Variants in OR2F2 observed in about 807,000 individuals in gnomAD.
OR2F2 encodes the protein olfactory receptor 2F2.
For synonymous variants in OR2F2, 161 were observed against 159.0 expected, an observed-to-expected ratio of 1.01 and a Z score of -0.09; for missense variants, 375 against 380.2, an observed-to-expected ratio of 0.99 and a Z score of 0.11.
chr7:143,935,631 G>C lies in OR2F2; in HGVS notation c.399G>C (p.Ser133=). The change falls in exon 1 of 1, where the codon TCG becomes TCC. Residue 133 remains serine, a synonymous_variant. Transcript: ENST00000408955. ...CTGTGTCTGACCGCCTGCGATACTC[G>C]GCCATCATGCATGGAGGGCTGTGTG... ...HVAVSDRLRY[S]AIMHGGLCAR... is the part of the protein sequence containing the mutation. 1 of 1,614,118 alleles carries C rather than the reference G, an allele frequency of 6.2e-7. No individual in the cohort carries two copies. The highest frequency in any genetic ancestry group is 1.7e-5 in the Admixed American group (1 of 60,028).
At position 143,935,405 on chromosome 7, in the gene OR2F2, C is replaced by T. The variant is rs751625220; in HGVS notation, c.173C>T (p.Pro58Leu). 6.2e-6 allele frequency: 10 copies of T among 1,614,164 alleles called. 1 individual carries two copies. In the South Asian group the frequency reaches 1.1e-4, roughly 18 times the overall value. The change falls in exon 1 of 1, where the codon CCC (proline) becomes CTC (leucine). Residue 58 changes from proline to leucine, a missense_variant. Pro to Leu is a moderately conservative substitution (Grantham distance 98). Coordinates refer to ENST00000408955, the MANE Select transcript of OR2F2 (RefSeq NM_001004685.1). Reference sequence around the variant, plus strand: ...AGACTGGACAGCCGACTCCACACTCCCATGTATTTCTTTCTCACCAACCTC... The same window carrying T: ...AGACTGGACAGCCGACTCCACACTCTCATGTATTTCTTTCTCACCAACCTC... ...LIRLDSRLHTPMYFFLTNLSL... is the reference protein window; with the variant it reads ...LIRLDSRLHTLMYFFLTNLSL...
Position 143,935,541 on chromosome 7 carries a change from C to T in OR2F2, c.309C>T (p.Phe103=), listed in dbSNP as rs139215010. The change falls in exon 1 of 1, where the codon TTC becomes TTT. Residue 103 remains phenylalanine (F), a synonymous_variant. Transcript: ENST00000408955. ...PFQSCAAQLF[F]SLALGGIEFV... ...AGAGCTGTGCAGCCCAGTTATTTTT[C>T]TCCCTGGCCTTGGGTGGGATTGAGT... 3.1e-6 allele frequency: 5 copies of T among 1,614,242 alleles called. No homozygotes were observed. Among genetic ancestry groups the T allele is most frequent in the Non-Finnish European group, 4.2e-6 (5 of 1,180,042 alleles).
chr7:143,935,899 T>C lies in OR2F2; in HGVS notation c.667T>C (p.Ser223Pro), dbSNP rs1355300733. The C allele has an allele frequency of 6.2e-7, 1 of 1,614,130 alleles. No homozygotes were observed. The highest frequency in any genetic ancestry group is 8.5e-7 in the Non-Finnish European group (1 of 1,180,020). Residue 223 changes from serine to proline, a missense_variant, in exon 1 of 1, where the codon TCC becomes CCC. Transcript: ENST00000408955. ...TCTGTTGTCCTACATCCGGATCATC[T>C]CCACCATCCTAAAGATCCAGTCCAG... is the stretch of plus-strand genomic sequence containing the variant. ...LVLLSYIRII[S>P]TILKIQSREG...
In OR2F2 at chr7:143,935,936, A is replaced by C. The variant is rs1429645161; in HGVS notation, c.704A>C (p.Lys235Thr). Residue 235 changes from lysine (K) to threonine (T), a missense_variant, in exon 1 of 1, where the codon AAG becomes ACG. Transcript: ENST00000408955. ...ILKIQSREGR[K>T]KAFHTCASHL... ...AAGATCCAGTCCAGAGAAGGAAGAAAGAAAGCCTTCCACACGTGTGCCTCT... is the reference window on the plus strand; with the variant it reads ...AAGATCCAGTCCAGAGAAGGAAGAACGAAAGCCTTCCACACGTGTGCCTCT... 10 of 1,613,824 alleles carry C rather than the reference A, an allele frequency of 6.2e-6. No individual in the cohort carries two copies. In the African/African-American group the frequency reaches 1.1e-4, roughly 17 times the overall value.
chr7:143,935,578 G>A lies in OR2F2; in HGVS notation c.346G>A (p.Ala116Thr). Residue 116 changes from alanine (A) to threonine (T), a missense_variant, in exon 1 of 1, where the codon GCA becomes ACA. Transcript: ENST00000408955. ...ALGGIEFVLLAVMAYDRHVAV... is the reference protein window; with the variant it reads ...ALGGIEFVLLTVMAYDRHVAV... Reference sequence around the variant, plus strand: ...GGGTGGGATTGAGTTTGTTCTCCTGGCAGTGATGGCCTATGACCGCCATGT... The same window carrying A: ...GGGTGGGATTGAGTTTGTTCTCCTGACAGTGATGGCCTATGACCGCCATGT... The A allele has an allele frequency of 6.2e-7, 1 of 1,614,176 alleles. No individual in the cohort carries two copies. Among genetic ancestry groups the A allele is most frequent in the Non-Finnish European group, 8.5e-7 (1 of 1,180,042 alleles).
At position 143,936,042 on chromosome 7, in the gene OR2F2, A is replaced by G; in HGVS notation, c.810A>G (p.Gln270=). The G allele has an allele frequency of 6.2e-7, 1 of 1,614,078 alleles. No homozygotes were observed. The highest frequency in any genetic ancestry group is 8.5e-7 in the Non-Finnish European group (1 of 1,180,028). The change falls in exon 1 of 1, where the codon CAA becomes CAG. Residue 270 remains glutamine, a synonymous_variant. Coordinates refer to ENST00000408955, the MANE Select transcript of OR2F2 (RefSeq NM_001004685.1). The part of the protein sequence containing the change: ...IQPHSGPSVL[Q]EKLISVFYAI... ...CCCACTCTGGTCCCTCAGTCCTTCA[A>G]GAGAAGCTGATCTCTGTCTTCTATG...
rs373613304 is a variant in OR2F2, at chr7:143,935,658, T to A, written c.426T>A (p.Ala142=). The stretch of plus-strand genomic sequence containing the variant: ...CCATCATGCATGGAGGGCTGTGTGC[T>A]AGGTTGGCCATCACATCCTGGGTCA... ...YSAIMHGGLC[A]RLAITSWVSG... The change falls in exon 1 of 1, where the codon GCT becomes GCA. Residue 142 remains alanine, a synonymous_variant. Transcript: ENST00000408955. 1.9e-6 allele frequency: 3 copies of A among 1,614,120 alleles called. No homozygotes were observed. Among genetic ancestry groups the A allele is most frequent in the East Asian group, 2.2e-5 (1 of 44,902 alleles).
rs372978060 is a variant in OR2F2 at position 143,935,253 on chromosome 7, G to A, written c.21G>A (p.Thr7=). The A allele has an allele frequency of 1.6e-4, 254 of 1,611,648 alleles. No homozygotes were observed. Among genetic ancestry groups the A allele is most frequent in the Admixed American group, 2.0e-4 (12 of 59,904 alleles). The change falls in exon 1 of 1, where the codon ACG becomes ACA. Residue 7 remains threonine, a synonymous_variant. Coordinates refer to ENST00000408955, the MANE Select transcript of OR2F2 (RefSeq NM_001004685.1). MEIDNQ[T]WVREFILLGL... is the part of the protein sequence containing the mutation. ...TTTAAATGGAAATAGATAACCAGAC[G>A]TGGGTGAGAGAATTTATTCTCCTTG...
In OR2F2 at chr7:143,935,771, A is replaced by T. The variant is rs369968498; in HGVS notation, c.539A>T (p.Glu180Val). 1 of 1,614,054 alleles carries T rather than the reference A, an allele frequency of 6.2e-7. No individual in the cohort carries two copies. Among genetic ancestry groups the T allele is most frequent in the African/African-American group, 1.3e-5 (1 of 74,910 alleles). Residue 180 changes from glutamate (E) to valine (V), a missense_variant, in exon 1 of 1, where the codon GAA (glutamate) becomes GTA (valine). Physicochemically the swap from Glu to Val is moderately radical, Grantham distance 121 (BLOSUM62 -2). Coordinates refer to ENST00000408955, the MANE Select transcript of OR2F2 (RefSeq NM_001004685.1). ...TNKFIDHISC[E>V]LLAVVRLACV... is the part of the protein sequence containing the mutation. ...AAGTTTATTGATCACATATCCTGTG[A>T]ACTCCTAGCTGTGGTCAGGCTGGCT...
In OR2F2 at chr7:143,935,617, C is replaced by T. The variant is rs375593151; in HGVS notation, c.385C>T (p.Arg129Cys). 67 of 1,614,130 alleles carry T rather than the reference C, an allele frequency of 4.2e-5. No homozygotes were observed. In the African/African-American group the frequency reaches 5.9e-4, roughly 14 times the overall value. Residue 129 changes from arginine to cysteine, a missense_variant, in exon 1 of 1, where the codon CGC becomes TGC. Transcript: ENST00000408955. ...AYDRHVAVSDRLRYSAIMHGG... is the reference protein window; with the variant it reads ...AYDRHVAVSDCLRYSAIMHGG... The stretch of plus-strand genomic sequence containing the variant: ...TGACCGCCATGTGGCTGTGTCTGAC[C>T]GCCTGCGATACTCGGCCATCATGCA...
Position 143,936,021 on chromosome 7 carries a change from C to T in OR2F2, c.789C>T (p.His263=). 6.2e-7 allele frequency: 1 copy of T among 1,614,102 alleles called. No individual in the cohort carries two copies. Among genetic ancestry groups the T allele is most frequent in the South Asian group, 1.1e-5 (1 of 91,076 alleles). The change falls in exon 1 of 1, where the codon CAC becomes CAT. Residue 263 remains histidine, a synonymous_variant. Coordinates refer to ENST00000408955, the MANE Select transcript of OR2F2 (RefSeq NM_001004685.1). The part of the protein sequence containing the change: ...GTTIFTYIQP[H]SGPSVLQEKL... ...CGATTTTCACTTACATCCAGCCCCA[C>T]TCTGGTCCCTCAGTCCTTCAAGAGA... is the stretch of plus-strand genomic sequence containing the variant.
In OR2F2 at chr7:143,935,264, A is replaced by G. The variant is rs750260497; in HGVS notation, c.32A>G (p.Glu11Gly). 5 of 1,613,698 alleles carry G rather than the reference A, an allele frequency of 3.1e-6. No individual in the cohort carries two copies. The highest frequency in any genetic ancestry group is 2.5e-6 in the Non-Finnish European group (3 of 1,179,708). MEIDNQTWVR[E>G]FILLGLSSDW... Reference sequence around the variant, plus strand: ...ATAGATAACCAGACGTGGGTGAGAGAATTTATTCTCCTTGGCTTATCCAGT... The same window carrying G: ...ATAGATAACCAGACGTGGGTGAGAGGATTTATTCTCCTTGGCTTATCCAGT... Residue 11 changes from glutamate (E) to glycine (G), a missense_variant, in exon 1 of 1, where the codon GAA becomes GGA. Physicochemically the swap from Glu to Gly is moderately conservative, Grantham distance 98. Coordinates refer to ENST00000408955, the MANE Select transcript of OR2F2 (RefSeq NM_001004685.1).
In OR2F2 at chr7:143,935,448, C is replaced by G; in HGVS notation, c.216C>G (p.Ser72=). ...CCAACCTCTCCCTTGTCGATGTCTC[C>G]TATGCCACAAGCGTAGTCCCCCAGC... ...FLTNLSLVDV[S]YATSVVPQLL... is the part of the protein sequence containing the mutation. The change falls in exon 1 of 1, where the codon TCC becomes TCG. Residue 72 remains serine (S), a synonymous_variant. Transcript: ENST00000408955. The G allele has an allele frequency of 6.2e-7, 1 of 1,614,186 alleles. No individual in the cohort carries two copies. Among genetic ancestry groups the G allele is most frequent in the Non-Finnish European group, 8.5e-7 (1 of 1,180,026 alleles).
In OR2F2 at chr7:143,935,587, G is replaced by T. The variant is rs1309582552; in HGVS notation, c.355G>T (p.Ala119Ser). 1 of 1,614,050 alleles carries T rather than the reference G, an allele frequency of 6.2e-7. No homozygotes were observed. The highest frequency in any genetic ancestry group is 1.3e-5 in the African/African-American group (1 of 74,914). Residue 119 changes from alanine (A) to serine (S), a missense_variant, in exon 1 of 1, where the codon GCC (alanine) becomes TCC (serine). Coordinates refer to ENST00000408955, the MANE Select transcript of OR2F2 (RefSeq NM_001004685.1). ...TGAGTTTGTTCTCCTGGCAGTGATG[G>T]CCTATGACCGCCATGTGGCTGTGTC... is the stretch of plus-strand genomic sequence containing the variant. ...GIEFVLLAVM[A>S]YDRHVAVSDR...
chr7:143,935,634 C>T lies in OR2F2; in HGVS notation c.402C>T (p.Ala134=), dbSNP rs1330307272. Residue 134 remains alanine, a synonymous_variant, in exon 1 of 1, where the codon GCC becomes GCT. Transcript: ENST00000408955. ...VAVSDRLRYS[A]IMHGGLCARL... ...TGTCTGACCGCCTGCGATACTCGGC[C>T]ATCATGCATGGAGGGCTGTGTGCTA... 1 of 1,614,082 alleles carries T rather than the reference C, an allele frequency of 6.2e-7. No individual in the cohort carries two copies. The highest frequency in any genetic ancestry group is 8.5e-7 in the Non-Finnish European group (1 of 1,180,028).
chr7:143,935,319 C>T lies in OR2F2; in HGVS notation c.87C>T (p.Ser29=), dbSNP rs1318077306. Residue 29 remains serine, a synonymous_variant, in exon 1 of 1, where the codon TCC becomes TCT. Coordinates refer to ENST00000408955, the MANE Select transcript of OR2F2 (RefSeq NM_001004685.1). ...SDWCTQISLF[S]LFLVTYLMTV... ...GGTGCACTCAGATATCCCTGTTTTC[C>T]CTGTTCTTGGTCACATACCTCATGA... 2.5e-6 allele frequency: 4 copies of T among 1,613,988 alleles called. No individual in the cohort carries two copies. The African/African-American group carries it at 4.0e-5, about 16-fold the overall frequency.
chr7:143,935,867 G>T lies in OR2F2; in HGVS notation c.635G>T (p.Cys212Phe). ...SSIVLLMTPF[C>F]LVLLSYIRII... ...ATTGTTCTTCTGATGACACCTTTCT[G>T]CCTGGTTCTGTTGTCCTACATCCGG... The change falls in exon 1 of 1, where the codon TGC (cysteine) becomes TTC (phenylalanine). Residue 212 changes from cysteine to phenylalanine, a missense_variant. Physicochemically the swap from Cys to Phe is radical, Grantham distance 205. Coordinates refer to ENST00000408955, the MANE Select transcript of OR2F2 (RefSeq NM_001004685.1). 1.9e-6 allele frequency: 3 copies of T among 1,614,128 alleles called. No individual in the cohort carries two copies. Among genetic ancestry groups the T allele is most frequent in the Non-Finnish European group, 2.5e-6 (3 of 1,180,038 alleles).
In OR2F2 at chr7:143,935,845, GTTC is replaced by G; in HGVS notation, c.618_620del (p.Leu207del). On this transcript the variant is annotated inframe_deletion, in exon 1 of 1. Coordinates refer to ENST00000408955, the MANE Select transcript of OR2F2 (RefSeq NM_001004685.1). ...GGCTGCCATCATGGTGTCTAGCATT[GTTC>G]TTCTGATGACACCTTTCTGCCTGGT... 2 of 1,614,230 alleles carry G rather than the reference GTTC, an allele frequency of 1.2e-6. No individual in the cohort carries two copies.
chr7:143,935,310 C>T lies in OR2F2; in HGVS notation c.78C>T (p.Ser26=). 1 of 1,614,090 alleles carries T rather than the reference C, an allele frequency of 6.2e-7. No homozygotes were observed. The highest frequency in any genetic ancestry group is 8.5e-7 in the Non-Finnish European group (1 of 1,180,026). The change falls in exon 1 of 1, where the codon TCC becomes TCT. Residue 26 remains serine, a synonymous_variant. Transcript: ENST00000408955. ...CCAGTGACTGGTGCACTCAGATATC[C>T]CTGTTTTCCCTGTTCTTGGTCACAT... is the stretch of plus-strand genomic sequence containing the variant. The part of the protein sequence containing the change: ...GLSSDWCTQI[S]LFSLFLVTYL...
Sources: gnomAD v4.1 joint callset for allele counts on GRCh38, gnomAD v4.1.1 for gene constraint, MANE v1.5 for transcripts, NCBI Gene and HGNC (gene_info 2026-07-23, HGNC 2026-07-21) for gene names.